Variants in PIGK observed in about 807,000 individuals in gnomAD.
PIGK encodes the protein GPI-anchor transamidase.
Under a neutral mutation model 50.6 loss-of-function variants are expected in PIGK, and 42 were observed. That is an observed-to-expected ratio of 0.83 (90% CI 0.65 to 1.07). The LOEUF is 1.07. Ranked by LOEUF, PIGK falls within the 50% of genes least tolerant of loss-of-function variation. The pLI, the probability that PIGK is intolerant of heterozygous loss-of-function variation, is 0.00. For synonymous variants in PIGK, 151 were observed against 156.0 expected (o/e 0.97, Z 0.24); for missense variants, 448 against 488.7 (o/e 0.92, Z 0.78).
At chr1:77,176,073 T>A (rs542861538) in intron 3 of PIGK, among the ~76,000 whole-genome samples, 1 of 152,200 alleles carries the variant, frequency 6.6e-6, no homozygotes, top group African/African-American at 2.4e-5. Flanking sequence ...AGACAGATGG[T>A]TTGGAAAGCT....
rs1374117481 is a variant in PIGK at position 77,184,091 on chromosome 1, G to A, written c.240-14696C>T. 2.6e-5 allele frequency among the ~76,000 whole-genome samples: 4 copies of A among 152,140 alleles called. No individual in the cohort carries two copies. In the East Asian group the frequency reaches 7.7e-4, roughly 29 times the overall value. Reference sequence around the variant, plus strand: ...GATCCCAAGGTGGCAAGGGCCAAGTGGCATCACTCAGCTGTCAAAGGAAAG... The same window carrying A: ...GATCCCAAGGTGGCAAGGGCCAAGTAGCATCACTCAGCTGTCAAAGGAAAG... On this transcript the variant is annotated intron_variant, in intron 3 of 10. Transcript: ENST00000370812.
intron 8 of PIGK, among the ~76,000 whole-genome samples, chr1:77,160,431 A>T (rs1655107011): frequency 6.6e-6 from 1 of 152,220 alleles, no homozygotes; most frequent in Non-Finnish European, 1.5e-5. Flanking sequence ...AAAGAGATCA[A>T]TGCAAAGCTG....
At chr1:77,181,471 T>A (rs1655613029) in intron 3 of PIGK, among the ~76,000 whole-genome samples, 1 of 152,188 alleles carries the variant, frequency 6.6e-6, no homozygotes, top group African/African-American at 2.4e-5. Flanking sequence ...GTTAAAATGT[T>A]TTTAAACTGT....
intron 2 of PIGK, 106 bp downstream of exon 2, chr1:77,210,330 A>T (rs1053159294): frequency 2.1e-5 from 12 of 576,264 alleles, no homozygotes; most frequent in African/African-American, 1.6e-4. Context: ...AATTTCTGAT[A>T]TAAAATGTAA....
chr1:77,122,363 G>C lies in PIGK; in HGVS notation c.987-4C>G, dbSNP rs375474183. On this transcript the variant is annotated splice_region_variant and splice_polypyrimidine_tract_variant and intron_variant, in intron 9 of 10. Transcript: ENST00000370812. ...ATCCATCTGGTCTTCCTTATAGCTG[G>C]AAAAGATAATTTAAAAACACAGAGC... is the stretch of plus-strand genomic sequence containing the variant. The C allele has an allele frequency of 6.4e-7, 1 of 1,554,672 alleles. No homozygotes were observed. The highest frequency in any genetic ancestry group is 1.4e-5 in the African/African-American group (1 of 73,678).
chr1:77,111,012 A>G (rs1381843102), intron 10 of PIGK, among the ~76,000 whole-genome samples: 1 of 152,206 alleles, frequency 6.6e-6, no homozygotes, highest in East Asian at 1.9e-4. Flanking sequence ...AAAAATGCTC[A>G]TCATCACTGG....
intron 1 of PIGK, among the ~76,000 whole-genome samples, chr1:77,216,572 T>C (rs12120921): frequency 0.23 from 35,430 of 152,106 alleles, 5,107 homozygotes; most frequent in Non-Finnish European, 0.32. Flanking sequence ...TTCTGATAAA[T>C]TGACATGATA....
At chr1:77,163,612 T>C (rs1228107548) in intron 6 of PIGK, among the ~76,000 whole-genome samples, 1 of 152,114 alleles carries the variant, frequency 6.6e-6, no homozygotes, top group Admixed American at 6.6e-5. Context: ...AAAAAGATGC[T>C]AAATAACAAG....
chr1:77,219,413 T>C lies in PIGK; in HGVS notation c.-11A>G, dbSNP rs1354300686. The C allele has an allele frequency of 6.2e-7, 1 of 1,611,772 alleles. No homozygotes were observed. The highest frequency in any genetic ancestry group is 2.2e-5 in the East Asian group (1 of 44,782). On this transcript the variant is annotated 5_prime_UTR_variant, in exon 1 of 11. Coordinates refer to ENST00000370812, the MANE Select transcript of PIGK (RefSeq NM_005482.3). ...GTCGGTGACGGCCATGTTTACCGGCTTCAGACTTCCCGCACCTGAAGGGGC... is the reference window on the plus strand; with the variant it reads ...GTCGGTGACGGCCATGTTTACCGGCCTCAGACTTCCCGCACCTGAAGGGGC...
intron 10 of PIGK, among the ~76,000 whole-genome samples, chr1:77,117,142 G>A (rs977508100): frequency 6.6e-6 from 1 of 152,008 alleles, no homozygotes; most frequent in Non-Finnish European, 1.5e-5. Flanking sequence ...GTCACCTCAG[G>A]ATGCACTTCA....
intron 8 of PIGK, among the ~76,000 whole-genome samples, chr1:77,160,170 C>T (rs916312912): frequency 4.6e-5 from 7 of 152,232 alleles, no homozygotes; most frequent in African/African-American, 1.4e-4. Context: ...CCCCTGCACA[C>T]GCTCTCTTGC....
intron 10 of PIGK, among the ~76,000 whole-genome samples, chr1:77,108,285 G>A (rs947723440): frequency 2.0e-5 from 3 of 152,168 alleles, no homozygotes; most frequent in Non-Finnish European, 4.4e-5. Flanking sequence ...GGCAGGCCTG[G>A]TGGTGACAAA....
intron 3 of PIGK, among the ~76,000 whole-genome samples, chr1:77,184,656 C>G (rs1431682429): frequency 6.6e-6 from 1 of 152,140 alleles, no homozygotes; most frequent in African/African-American, 2.4e-5. Context: ...GGTTTTAGCT[C>G]AGGTCCAACT....
chr1:77,102,344 T>C (rs1653568719), intron 10 of PIGK, among the ~76,000 whole-genome samples: 1 of 152,208 alleles, frequency 6.6e-6, no homozygotes. Flanking sequence ...AGATTATGGA[T>C]GAAATTAAAT....
At chr1:77,159,403 C>T (rs1279620446) in intron 8 of PIGK, among the ~76,000 whole-genome samples, 2 of 152,176 alleles carry the variant, frequency 1.3e-5, no homozygotes, top group Admixed American at 6.5e-5. Flanking sequence ...GGAGCCCCCA[C>T]ACAGAGTCCC....
chr1:77,205,792 A>G (rs988221155), intron 3 of PIGK, among the ~76,000 whole-genome samples: 1 of 152,184 alleles, frequency 6.6e-6, no homozygotes, highest in Non-Finnish European at 1.5e-5. Context: ...CAAATCTATC[A>G]TGGACAAAAC....
chr1:77,129,137 G>T (rs749183713), intron 9 of PIGK: 4 of 1,422,972 alleles, frequency 2.8e-6, no homozygotes, highest in East Asian at 2.3e-5. Flanking sequence ...CACTTGACCC[G>T]GAGAACCCCA....
At chr1:77,210,139 A>T (rs1656383029) in intron 2 of PIGK, among the ~76,000 whole-genome samples, 1 of 152,100 alleles carries the variant, frequency 6.6e-6, no homozygotes, top group African/African-American at 2.4e-5. Context: ...TGCAATTAGT[A>T]GTTTCCAGCA....
intron 2 of PIGK, among the ~76,000 whole-genome samples, chr1:77,209,881 G>A (rs1049364626): frequency 6.6e-6 from 1 of 151,914 alleles, no homozygotes; most frequent in East Asian, 1.9e-4. Flanking sequence ...ATATGAAGAG[G>A]GAAAGGGCTT....
Sources: allele counts gnomAD v4.1 joint callset (sites outside exome capture counted in the v4.1 genomes callset), GRCh38; gene constraint gnomAD v4.1.1; transcripts MANE v1.5; gene names NCBI Gene and HGNC (gene_info 2026-07-23, HGNC 2026-07-21).